Variants in CHCHD3 observed in about 807,000 individuals in gnomAD.
The protein encoded by CHCHD3 is coiled-coil-helix-coiled-coil-helix domain containing 3.
In CHCHD3, 20 loss-of-function variants were observed where a neutral mutation model predicts 38.2. That is an observed-to-expected ratio of 0.52 (90% CI 0.37 to 0.76). CHCHD3 has a LOEUF of 0.76. CHCHD3 is among the 30% of genes least tolerant of loss of function. The pLI, the probability that CHCHD3 is intolerant of heterozygous loss-of-function variation, is 0.00. For synonymous variants in CHCHD3, 82 were observed against 100.0 expected, an observed-to-expected ratio of 0.82 and a Z score of 1.07; for missense variants, 245 against 279.2, an observed-to-expected ratio of 0.88 and a Z score of 0.87.
chr7:132,864,028 C>T (rs1271851791), intron 5 of CHCHD3, among the ~76,000 whole-genome samples: 2 of 152,238 alleles, frequency 1.3e-5, no homozygotes, highest in Non-Finnish European at 2.9e-5. Context: ...GATGTGTTCA[C>T]TGGAGTAGCA....
rs190137554 is a variant in CHCHD3 at position 133,005,337 on chromosome 7, G to A, written c.251+19209C>T. Among the ~76,000 whole-genome samples, 971 of 152,254 alleles carry A rather than the reference G, an allele frequency of 6.4e-3. 4 individuals are homozygous for A. The highest frequency in any genetic ancestry group is 0.017 in the Middle Eastern group (5 of 294). The stretch of plus-strand genomic sequence containing the variant: ...TGTCTCTCTAGGCTCATCCTCACTC[G>A]AGGGTGAACCTGAACAAGGAACTAG... On this transcript the variant is annotated intron_variant, in intron 3 of 7. Transcript: ENST00000262570.
At chr7:133,051,846 G>T (rs1344798691) in intron 2 of CHCHD3, 1 of 152,152 alleles carries the variant, frequency 6.6e-6, no homozygotes, top group Non-Finnish European at 1.5e-5. Context: ...TATAATCGCA[G>T]TGTTAGGAAA....
At chr7:132,844,401 T>C (rs898090276) in intron 5 of CHCHD3, among the ~76,000 whole-genome samples, 1 of 152,220 alleles carries the variant, frequency 6.6e-6, no homozygotes. Context: ...TAACAACATA[T>C]CACTTCTGTG....
intron 4 of CHCHD3, among the ~76,000 whole-genome samples, chr7:132,965,567 G>A (rs1384257774): frequency 6.6e-6 from 1 of 152,164 alleles, no homozygotes; most frequent in Non-Finnish European, 1.5e-5. Flanking sequence ...GATGCCTTTG[G>A]GGCTCAGAGC....
intron 2 of CHCHD3, among the ~76,000 whole-genome samples, chr7:133,029,820 A>G (rs1173947499): frequency 6.6e-6 from 1 of 152,132 alleles, no homozygotes; most frequent in African/African-American, 2.4e-5. Context: ...TACAGGTGGC[A>G]TCGTCCAGGT....
rs1366394503 is a variant in CHCHD3 at position 132,975,106 on chromosome 7, C to T, written c.369+63G>A. Reference sequence around the variant, plus strand: ...AAAAGCTGGCACAGAGTACTTAGCTCTTCCCAAACATCAGAGATTTCCTTG... The same window carrying T: ...AAAAGCTGGCACAGAGTACTTAGCTTTTCCCAAACATCAGAGATTTCCTTG... On this transcript the variant is annotated intron_variant, in intron 4 of 7. Coordinates refer to ENST00000262570, the MANE Select transcript of CHCHD3 (RefSeq NM_017812.4). 7.1e-6 allele frequency: 9 copies of T among 1,264,314 alleles called. No homozygotes were observed. The African/African-American group carries it at 1.3e-4, about 19-fold the overall frequency. 78.3% of individuals were successfully genotyped at this position (1,264,314 alleles called of 1,614,324 possible).
intron 4 of CHCHD3, among the ~76,000 whole-genome samples, chr7:132,904,709 A>T (rs1809753679): frequency 6.6e-6 from 1 of 152,194 alleles, no homozygotes; most frequent in Non-Finnish European, 1.5e-5. Flanking sequence ...TAGAACTAGA[A>T]ATACCATTTG....
intron 3 of CHCHD3, among the ~76,000 whole-genome samples, chr7:132,991,345 A>G (rs146276431): frequency 1.4e-3 from 206 of 152,292 alleles, no homozygotes; most frequent in Non-Finnish European, 2.5e-3. Flanking sequence ...TATTAAGGTT[A>G]AAACAAATTA....
At position 132,831,149 on chromosome 7, in the gene CHCHD3, A is replaced by G. The variant is rs548528180; in HGVS notation, c.524+7250T>C. 6.4e-4 allele frequency among the ~76,000 whole-genome samples: 98 copies of G among 152,332 alleles called. 1 individual carries two copies. Among genetic ancestry groups the G allele is most frequent in the African/African-American group, 2.2e-3 (93 of 41,586 alleles). On this transcript the variant is annotated intron_variant, in intron 6 of 7. Transcript: ENST00000262570. ...TTTTCATTATGAAGGAGACATCTTT[A>G]TAATACAATAACTCTAGTTATAATG...
At chr7:132,821,137 T>C (rs1807363483) in intron 6 of CHCHD3, among the ~76,000 whole-genome samples, 1 of 152,192 alleles carries the variant, frequency 6.6e-6, no homozygotes, top group Non-Finnish European at 1.5e-5. Context: ...GGGAAATATA[T>C]ATTAGATCAT....
At chr7:132,837,409 T>G (rs1040431468) in intron 6 of CHCHD3, among the ~76,000 whole-genome samples, 1 of 152,218 alleles carries the variant, frequency 6.6e-6, no homozygotes, top group Admixed American at 6.5e-5. Flanking sequence ...TTGTGGCCCA[T>G]CCTTGGAAGG....
intron 1 of CHCHD3, among the ~76,000 whole-genome samples, chr7:133,071,132 T>C (rs1814808819): frequency 1.3e-5 from 2 of 152,200 alleles, no homozygotes; most frequent in African/African-American, 4.8e-5. Context: ...CCACAGTTAC[T>C]ATCGCGTCAT....
chr7:132,926,934 G>A (rs137882860), intron 4 of CHCHD3, among the ~76,000 whole-genome samples: 84 of 152,066 alleles, frequency 5.5e-4, no homozygotes, highest in African/African-American at 1.9e-3. Flanking sequence ...AGGTATTTTC[G>A]TTTTAACAAA....
chr7:132,853,929 G>C (rs1434112710), intron 5 of CHCHD3, among the ~76,000 whole-genome samples: 4 of 152,150 alleles, frequency 2.6e-5, no homozygotes, highest in Non-Finnish European at 5.9e-5. Context: ...ACATTTCCTT[G>C]ATAGTAGCAT....
chr7:132,810,585 G>C (rs981794266), intron 6 of CHCHD3, among the ~76,000 whole-genome samples: 28 of 152,162 alleles, frequency 1.8e-4, no homozygotes, highest in African/African-American at 6.5e-4. Context: ...CTACCACACA[G>C]ATTCTCCAAA....
In CHCHD3 at chr7:133,000,376, T is replaced by C. The variant is rs147342835; in HGVS notation, c.251+24170A>G. 3.9e-5 allele frequency among the ~76,000 whole-genome samples: 6 copies of C among 152,324 alleles called. No homozygotes were observed. The East Asian group carries it at 9.6e-4, about 24-fold the overall frequency. ...CTGAGACAAAAAGGCATATAGATGT[T>C]CATTTAGAACATTTTTACCGAGCAC... is the stretch of plus-strand genomic sequence containing the variant. On this transcript the variant is annotated intron_variant, in intron 3 of 7. Coordinates refer to ENST00000262570, the MANE Select transcript of CHCHD3 (RefSeq NM_017812.4).
intron 2 of CHCHD3, among the ~76,000 whole-genome samples, chr7:133,044,911 C>T (rs1813937007): frequency 6.6e-6 from 1 of 152,234 alleles, no homozygotes; most frequent in Non-Finnish European, 1.5e-5. Context: ...AGTCCTGCAG[C>T]TCTGATCCAG....
At chr7:133,023,374 C>G (rs1006145598) in intron 3 of CHCHD3, among the ~76,000 whole-genome samples, 3 of 152,084 alleles carry the variant, frequency 2.0e-5, no homozygotes, top group African/African-American at 7.2e-5. Flanking sequence ...TTTCACAACC[C>G]TCATTTTAAA....
chr7:132,984,515 T>A (rs1333567807), intron 3 of CHCHD3, among the ~76,000 whole-genome samples: 6 of 132,666 alleles, frequency 4.5e-5, no homozygotes, highest in Non-Finnish European at 9.9e-5. Context: ...CGTCTCTGCC[T>A]GGCCGCCCAT....
Sources: allele counts gnomAD v4.1 joint callset (sites outside exome capture counted in the v4.1 genomes callset), GRCh38; gene constraint gnomAD v4.1.1; transcripts MANE v1.5; gene names NCBI Gene and HGNC (gene_info 2026-07-23, HGNC 2026-07-21).